Variants in DLG2 observed in about 807,000 individuals in gnomAD.
DLG2 encodes discs large MAGUK scaffold protein 2, also known as disks large homolog 2.
DLG2 carries 45 observed loss-of-function variants against 132.5 expected under a neutral mutation model. That is an observed-to-expected ratio of 0.34 (90% CI 0.27 to 0.44). The LOEUF is 0.44. Among genes scored for constraint, DLG2 ranks in the 20% least tolerant of loss-of-function variants. DLG2 has a pLI of 1.00. For missense variants in DLG2, 1,045 were observed against 1,196.9 expected, an observed-to-expected ratio of 0.87 and a Z score of 1.87; for synonymous variants, 424 against 419.6, an observed-to-expected ratio of 1.01 and a Z score of -0.13.
At chr11:84,142,794 T>C (rs1336026304) in intron 9 of DLG2, among the ~76,000 whole-genome samples, 1 of 152,170 alleles carries the variant, frequency 6.6e-6, no homozygotes, top group Non-Finnish European at 1.5e-5. Flanking sequence ...GCCCCTTGTT[T>C]TCCCCTCTTC....
intron 10 of DLG2, among the ~76,000 whole-genome samples, chr11:84,069,318 AT>A (rs2096722880): frequency 6.6e-6 from 1 of 152,226 alleles, no homozygotes; most frequent in Non-Finnish European, 1.5e-5. Flanking sequence ...TGAGTATGTG[AT>A]AAAAGTCCTG....
In DLG2 at chr11:85,142,479, T is replaced by C. The variant is rs2076559871; in HGVS notation, c.282+12077A>G. Among the ~76,000 whole-genome samples, 9 of 151,936 alleles carry C rather than the reference T, an allele frequency of 5.9e-5. No homozygotes were observed. In the South Asian group the frequency reaches 1.9e-3, roughly 31 times the overall value. The stretch of plus-strand genomic sequence containing the variant: ...AGTTTTTTGGTGGAATTTTTAGGTT[T>C]TTCTAAATAGAAGATCATATCAGCT... On this transcript the variant is annotated intron_variant, in intron 5 of 27. Coordinates refer to ENST00000376104, the MANE Select transcript of DLG2 (RefSeq NM_001142699.3).
At chr11:84,669,245 A>G (rs941515715) in intron 6 of DLG2, among the ~76,000 whole-genome samples, 7 of 152,068 alleles carry the variant, frequency 4.6e-5, no homozygotes, top group Non-Finnish European at 7.4e-5. Flanking sequence ...AACCATCAGT[A>G]TGCTTGGTGT....
intron 3 of DLG2, among the ~76,000 whole-genome samples, chr11:85,297,109 C>T (rs1225304457): frequency 6.6e-6 from 1 of 151,820 alleles, no homozygotes; most frequent in Non-Finnish European, 1.5e-5. Context: ...AACCAAGAGC[C>T]ATTAAATATG....
intron 6 of DLG2, among the ~76,000 whole-genome samples, chr11:85,071,247 T>A (rs936375690): frequency 2.0e-5 from 3 of 151,948 alleles, no homozygotes; most frequent in African/African-American, 4.8e-5. Context: ...TAGCGTTACG[T>A]CCATGGAAGC....
At chr11:85,207,013 C>T (rs533480418) in intron 4 of DLG2, among the ~76,000 whole-genome samples, 10 of 152,102 alleles carry the variant, frequency 6.6e-5, no homozygotes, top group Non-Finnish European at 1.0e-4. Flanking sequence ...ATCTCATCAT[C>T]GACTGGACAT....
intron 2 of DLG2, among the ~76,000 whole-genome samples, chr11:85,607,754 G>T (rs2080684173): frequency 6.6e-6 from 1 of 152,168 alleles, no homozygotes; most frequent in African/African-American, 2.4e-5. Context: ...AGGATATGGG[G>T]AGCCTCAGAA....
chr11:83,546,376 T>C (rs1196507950), intron 19 of DLG2, among the ~76,000 whole-genome samples: 1 of 152,114 alleles, frequency 6.6e-6, no homozygotes, highest in Non-Finnish European at 1.5e-5. Flanking sequence ...ACTGTATAAT[T>C]TGGGCATGTT....
chr11:85,125,712 C>T (rs1009903713), intron 5 of DLG2, among the ~76,000 whole-genome samples: 2 of 151,982 alleles, frequency 1.3e-5, no homozygotes, highest in Non-Finnish European at 2.9e-5. Flanking sequence ...TCTGTGAATG[C>T]ACCTCATCTT....
chr11:85,017,497 T>C (rs2059672161), intron 6 of DLG2, among the ~76,000 whole-genome samples: 1 of 152,178 alleles, frequency 6.6e-6, no homozygotes, highest in Non-Finnish European at 1.5e-5. Flanking sequence ...AATTGACTCA[T>C]CTTTAGGCAC....
At chr11:84,551,509 G>A (rs2099401799) in intron 6 of DLG2, among the ~76,000 whole-genome samples, 1 of 152,142 alleles carries the variant, frequency 6.6e-6, no homozygotes, top group South Asian at 2.1e-4. Flanking sequence ...ATGTATTAAT[G>A]CTTTACAAGC....
chr11:84,440,955 A>G (rs936592575), intron 7 of DLG2, among the ~76,000 whole-genome samples: 10 of 152,190 alleles, frequency 6.6e-5, no homozygotes, highest in Non-Finnish European at 1.3e-4. Flanking sequence ...CAAGGAATTA[A>G]TATCTGGTGG....
At chr11:84,063,324 T>C (rs933822869) in intron 10 of DLG2, among the ~76,000 whole-genome samples, 5 of 152,238 alleles carry the variant, frequency 3.3e-5, no homozygotes, top group Non-Finnish European at 7.3e-5. Context: ...GAAATTTTGG[T>C]GCATTCCTTG....
At chr11:83,945,846 T>TG (rs2083731199) in intron 14 of DLG2, among the ~76,000 whole-genome samples, 2 of 68,718 alleles carry the variant, frequency 2.9e-5, no homozygotes, top group African/African-American at 4.3e-5. Flanking sequence ...GTGTGTGTGT[T>TG]TTCTAATGTG....
chr11:84,783,194 G>T (rs1208930339), intron 6 of DLG2, among the ~76,000 whole-genome samples: 1 of 152,108 alleles, frequency 6.6e-6, no homozygotes, highest in Non-Finnish European at 1.5e-5. Flanking sequence ...GCTTTCATAG[G>T]AGGAAAAATG....
chr11:84,413,355 A>C (rs1395434409), intron 7 of DLG2, among the ~76,000 whole-genome samples: 1 of 152,236 alleles, frequency 6.6e-6, no homozygotes, highest in Non-Finnish European at 1.5e-5. Flanking sequence ...GTTTTAAGAA[A>C]TAATTAATGA....
chr11:84,757,031 T>C (rs1424227184), intron 6 of DLG2, among the ~76,000 whole-genome samples: 2 of 152,226 alleles, frequency 1.3e-5, no homozygotes, highest in African/African-American at 4.8e-5. Flanking sequence ...AATCCTTAAG[T>C]GCCCTAAATG....
intron 7 of DLG2, among the ~76,000 whole-genome samples, chr11:84,459,415 C>A (rs1377464764): frequency 1.3e-5 from 2 of 150,628 alleles, no homozygotes; most frequent in African/African-American, 4.9e-5. Flanking sequence ...ACATTATAAT[C>A]CTTTCATTAG....
chr11:84,278,885 T>C (rs189276541), intron 7 of DLG2, among the ~76,000 whole-genome samples: 1 of 152,078 alleles, frequency 6.6e-6, no homozygotes, highest in Non-Finnish European at 1.5e-5. Flanking sequence ...TACACAGATA[T>C]ACATGTGCCA....
Sources: allele counts gnomAD v4.1 joint callset (sites outside exome capture counted in the v4.1 genomes callset), GRCh38; gene constraint gnomAD v4.1.1; transcripts MANE v1.5; gene names NCBI Gene and HGNC (gene_info 2026-07-23, HGNC 2026-07-21).